ZCCHC14: variants seen among roughly 807,000 people sequenced by gnomAD.
The protein encoded by ZCCHC14 is zinc finger CCHC-type containing 14, also known as zinc finger CCHC domain-containing protein 14.
In ZCCHC14, 16 loss-of-function variants were observed where a neutral mutation model predicts 85.0. That is an observed-to-expected ratio of 0.19 (90% CI 0.13 to 0.29). The LOEUF (loss-of-function observed/expected upper bound fraction) is 0.29, where lower values mean the gene tolerates loss of function less well. Among genes scored for constraint, ZCCHC14 ranks in the 10% least tolerant of loss-of-function variants. The probability of loss-of-function intolerance (pLI) is 1.00; values close to 1 mark genes in which losing one functional copy is unlikely to be tolerated. For missense variants in ZCCHC14, 1,303 were observed against 1,443.5 expected (o/e 0.90, Z 1.58); for synonymous variants, 775 against 630.7 (o/e 1.23, Z -3.43).
At chr16:87,413,924 GGGA>G (rs1223737553) in intron 10 of ZCCHC14, among the ~76,000 whole-genome samples, 1 of 152,232 alleles carries the variant, frequency 6.6e-6, no homozygotes, top group Non-Finnish European at 1.5e-5. Flanking sequence ...AGCAACTTCA[GGGA>G]GGTGACTGCC....
At chr16:87,424,675 C>A (rs1194667085) in intron 3 of ZCCHC14, among the ~76,000 whole-genome samples, 1 of 152,126 alleles carries the variant, frequency 6.6e-6, no homozygotes, top group Non-Finnish European at 1.5e-5. Flanking sequence ...CTAAACAAAG[C>A]TGACTGAGGG....
rs1300973470 is a variant in ZCCHC14 at position 87,491,315 on chromosome 16, C to T, written c.570+354G>A. Among the ~76,000 whole-genome samples the T allele has an allele frequency of 3.9e-5, 6 of 152,202 alleles. 1 individual carries two copies. The highest frequency in any genetic ancestry group is 1.4e-4 in the African/African-American group (6 of 41,460). On this transcript the variant is annotated intron_variant, in intron 1 of 12. Transcript: ENST00000671377. The surrounding 1 kb of genome is among the most constrained non-coding windows in gnomAD (Gnocchi z 5.9). ...ACGCAGAGGGGACTGAGGGTGTGGG[C>T]TCAGGGCCGCGGTGCGGTCTTGGGG...
chr16:87,458,250 C>A (rs2084703392), intron 2 of ZCCHC14, among the ~76,000 whole-genome samples: 1 of 152,140 alleles, frequency 6.6e-6, no homozygotes, highest in Admixed American at 6.5e-5. Flanking sequence ...CCACGGCAGG[C>A]CTTTCTCCTG....
At chr16:87,429,553 A>T (rs1909544844) in intron 3 of ZCCHC14, among the ~76,000 whole-genome samples, 1 of 152,182 alleles carries the variant, frequency 6.6e-6, no homozygotes, top group South Asian at 2.1e-4. Context: ...CGGCCAGGAC[A>T]GGAGGATCCC....
At chr16:87,470,425 G>C (rs1453780051) in intron 1 of ZCCHC14, 2 of 143,372 alleles carry the variant, frequency 1.4e-5, no homozygotes, top group Non-Finnish European at 3.0e-5. Flanking sequence ...GTTCTCAGGA[G>C]TCAAATGCTC....
intron 1 of ZCCHC14, chr16:87,467,715 G>C (rs1395572421): frequency 3.0e-6 from 2 of 659,050 alleles, no homozygotes; most frequent in Admixed American, 2.2e-5. Context: ...GCAGTGGTGC[G>C]ATCTTGGCTC....
chr16:87,440,385 G>A (rs537477606), intron 2 of ZCCHC14, among the ~76,000 whole-genome samples: 19 of 152,126 alleles, frequency 1.2e-4, no homozygotes, highest in African/African-American at 2.4e-4. Flanking sequence ...GGCTGGTCTC[G>A]AACTCCTAAC....
chr16:87,426,132 G>A (rs1258902831), intron 3 of ZCCHC14, among the ~76,000 whole-genome samples: 2 of 152,214 alleles, frequency 1.3e-5, no homozygotes, highest in Admixed American at 6.5e-5. Flanking sequence ...TCGCTCTGCA[G>A]GTGATGCTGG....
In ZCCHC14 at chr16:87,414,463, G is replaced by C. The variant is rs761119172; in HGVS notation, c.1554C>G (p.Pro518=). 6.2e-6 allele frequency: 10 copies of C among 1,613,210 alleles called. No homozygotes were observed. Among genetic ancestry groups the C allele is most frequent in the East Asian group, 2.2e-5 (1 of 44,888 alleles). Residue 518 remains proline (P), a synonymous_variant, in exon 10 of 13, where the codon CCC becomes CCG. Coordinates refer to ENST00000671377, the MANE Select transcript of ZCCHC14 (RefSeq NM_015144.3). The part of the protein sequence containing the change: ...VTSSGVARVP[P]TSHVGPVQSG... The stretch of plus-strand genomic sequence containing the variant: ...ACTGCACGGGCCCGACGTGGCTGGT[G>C]GGGGGCACTCGAGCCACACCACTGC...
In ZCCHC14 at chr16:87,417,694, C is replaced by T; in HGVS notation, c.1149G>A (p.Gln383=). The T allele has an allele frequency of 6.2e-7, 1 of 1,609,140 alleles. No individual in the cohort carries two copies. Among genetic ancestry groups the T allele is most frequent in the Middle Eastern group, 1.9e-4 (1 of 5,180 alleles). ...AGCCGGCCGGGTGCTGCCCGTGGTG[C>T]TGGGCTCCGCTCTGCGAGGACGGGA... The part of the protein sequence containing the change: ...AGIPSSQSGA[Q]HHGQHPAGSA... The change falls in exon 8 of 13, where the codon CAG becomes CAA. Residue 383 remains glutamine, a synonymous_variant. Coordinates refer to ENST00000671377, the MANE Select transcript of ZCCHC14 (RefSeq NM_015144.3).
chr16:87,419,727 C>A, intron 6 of ZCCHC14, 56 bp downstream of exon 6: 2 of 1,417,094 alleles, frequency 1.4e-6, no homozygotes, highest in East Asian at 2.5e-5. Context: ...TGAGCCACTG[C>A]GCCCAGCTGT....
In ZCCHC14 at chr16:87,413,593, G is replaced by C. The variant is rs1301313289; in HGVS notation, c.1604-398C>G. The stretch of plus-strand genomic sequence containing the variant: ...CCAGGTTTTTTTTTTTCCCTCCTGA[G>C]CTACTGCTCCTCCGATTTCTATTGT... On this transcript the variant is annotated intron_variant, in intron 10 of 12. Transcript: ENST00000671377. Among the ~76,000 whole-genome samples the C allele has an allele frequency of 2.0e-5, 3 of 151,530 alleles. No homozygotes were observed. The East Asian group carries it at 5.8e-4, about 29-fold the overall frequency.
intron 1 of ZCCHC14, among the ~76,000 whole-genome samples, chr16:87,480,419 T>A (rs1389866253): frequency 2.0e-5 from 3 of 151,758 alleles, no homozygotes; most frequent in African/African-American, 7.3e-5. Flanking sequence ...AATAAATAAA[T>A]AAAAATGAGA....
At chr16:87,419,110 C>A (rs906386770) in intron 6 of ZCCHC14, among the ~76,000 whole-genome samples, 23 of 151,536 alleles carry the variant, frequency 1.5e-4, no homozygotes, top group African/African-American at 5.6e-4. Context: ...GCGACTGCCA[C>A]CACGCCCGGC....
chr16:87,456,374 T>TA (rs1329182027), intron 2 of ZCCHC14, among the ~76,000 whole-genome samples: 2 of 151,292 alleles, frequency 1.3e-5, no homozygotes, highest in Non-Finnish European at 2.9e-5. Context: ...ACTAAAAATA[T>TA]AAAAAAATAG....
At chr16:87,437,804 G>C (rs534818632) in intron 2 of ZCCHC14, among the ~76,000 whole-genome samples, 4 of 152,090 alleles carry the variant, frequency 2.6e-5, no homozygotes, top group South Asian at 2.1e-4. Flanking sequence ...TTTTATAATT[G>C]AATCAACACC....
At chr16:87,462,085 G>A (rs1443384188) in intron 1 of ZCCHC14, among the ~76,000 whole-genome samples, 1 of 147,788 alleles carries the variant, frequency 6.8e-6, no homozygotes, top group Non-Finnish European at 1.5e-5. Context: ...CTGGGTAACA[G>A]CGAGACCCTG....
intron 2 of ZCCHC14, among the ~76,000 whole-genome samples, chr16:87,457,443 TCAC>T (rs1911031213): frequency 6.6e-6 from 1 of 152,168 alleles, no homozygotes. Flanking sequence ...GGGGTAAAAA[TCAC>T]CACATGGGAT....
At chr16:87,441,609 C>G (rs1300574813) in intron 2 of ZCCHC14, among the ~76,000 whole-genome samples, 1 of 152,142 alleles carries the variant, frequency 6.6e-6, no homozygotes, top group East Asian at 1.9e-4. Flanking sequence ...AACTAGAACT[C>G]TGATTTTAGC....
Sources: allele counts gnomAD v4.1 joint callset (sites outside exome capture counted in the v4.1 genomes callset), GRCh38; gene constraint gnomAD v4.1.1; non-coding constraint Gnocchi (gnomAD v3.1); transcripts MANE v1.5; gene names NCBI Gene and HGNC (gene_info 2026-07-23, HGNC 2026-07-21).